AFF1: variants seen among roughly 807,000 people sequenced by gnomAD.
The protein encoded by AFF1 is AF4/FMR2 family member 1.
Under a neutral mutation model 121.7 loss-of-function variants are expected in AFF1, and 48 were observed. That is an observed-to-expected ratio of 0.39 (90% CI 0.31 to 0.50). AFF1 has a LOEUF of 0.50. Among genes scored for constraint, AFF1 ranks in the 20% least tolerant of loss-of-function variants. The pLI is 0.76. For missense variants in AFF1, 1,523 were observed against 1,511.7 expected (o/e 1.01, Z -0.12); for synonymous variants, 613 against 563.0 (o/e 1.09, Z -1.26).
At chr4:87,060,841 AAAAAAAAAAAAAAAAAAAAAAAAAAACAC>A (rs1343625854) in intron 4 of AFF1, among the ~76,000 whole-genome samples, 6 of 19,500 alleles carry the variant, frequency 3.1e-4, no homozygotes, top group African/African-American at 2.0e-3. Context: ...GTCTCAAAAA[AAAAAAAAAAAAAAAAAAAAAAAAAAACAC>A]AAAAAAACAA....
intron 2 of AFF1, among the ~76,000 whole-genome samples, chr4:86,995,685 G>C (rs945792333): frequency 2.6e-4 from 40 of 151,650 alleles, no homozygotes; most frequent in African/African-American, 8.7e-4. Context: ...CCAGCAGCCT[G>C]CCTTGGCCTC....
At chr4:86,954,958 ATTAC>A (rs1412487177) in intron 2 of AFF1, among the ~76,000 whole-genome samples, 2 of 152,106 alleles carry the variant, frequency 1.3e-5, no homozygotes, top group Middle Eastern at 3.2e-3. Flanking sequence ...ATATTAGTAT[ATTAC>A]TTATGTAATC....
At chr4:87,073,758 G>A (rs970451940) in intron 4 of AFF1, among the ~76,000 whole-genome samples, 3 of 152,096 alleles carry the variant, frequency 2.0e-5, no homozygotes, top group African/African-American at 4.8e-5. Context: ...CTTATGCTCA[G>A]CTGTGAAAAA....
At chr4:86,941,706 G>T (rs1448138214) in intron 1 of AFF1, among the ~76,000 whole-genome samples, 1 of 152,080 alleles carries the variant, frequency 6.6e-6, no homozygotes, top group Non-Finnish European at 1.5e-5. Context: ...GCATGGTGTT[G>T]CATGCCTGTG....
chr4:87,099,207 GA>G (rs2149732756), intron 8 of AFF1, among the ~76,000 whole-genome samples: 2 of 152,212 alleles, frequency 1.3e-5, no homozygotes, highest in African/African-American at 4.8e-5. Context: ...AAATATTATG[GA>G]AGTGGTAGAA....
At chr4:87,053,141 C>G (rs567713567) in intron 4 of AFF1, among the ~76,000 whole-genome samples, 4 of 152,102 alleles carry the variant, frequency 2.6e-5, no homozygotes, top group African/African-American at 7.2e-5. Context: ...ACCTTGGGAC[C>G]GAGCATGTGT....
intron 2 of AFF1, among the ~76,000 whole-genome samples, chr4:86,955,731 G>A (rs918999753): frequency 3.3e-5 from 5 of 152,236 alleles, no homozygotes; most frequent in Middle Eastern, 3.4e-3. Flanking sequence ...TGATTTTATC[G>A]TCTTCTGCCA....
In AFF1 at chr4:87,105,614, C is replaced by T. The variant is rs764732310; in HGVS notation, c.1284-14C>T. On this transcript the variant is annotated splice_polypyrimidine_tract_variant and intron_variant, in intron 8 of 20. Transcript: ENST00000395146. ...TTTCACATTCATTCTTCTCTGTGTC[C>T]CTGCCCATTCCAGCATGCTCGAAGA... is the stretch of plus-strand genomic sequence containing the variant. 2.0e-5 allele frequency: 32 copies of T among 1,613,790 alleles called. No homozygotes were observed. Among genetic ancestry groups the T allele is most frequent in the Non-Finnish European group, 2.6e-5 (31 of 1,179,968 alleles).
At chr4:86,985,971 CTT>C (rs1724226876) in intron 2 of AFF1, among the ~76,000 whole-genome samples, 1 of 151,764 alleles carries the variant, frequency 6.6e-6, no homozygotes, top group African/African-American at 2.4e-5. Flanking sequence ...TGGTGAGAAA[CTT>C]TGTAATGGGA....
At chr4:87,007,148 G>T (rs1056020413) in intron 2 of AFF1, 1 of 1,286,872 alleles carries the variant, frequency 7.8e-7, no homozygotes, top group Non-Finnish European at 9.8e-7. Flanking sequence ...GCGCTCCCCG[G>T]GCTCGTCTGA....
intron 2 of AFF1, among the ~76,000 whole-genome samples, chr4:87,013,999 A>T (rs1727063564): frequency 6.6e-6 from 1 of 152,184 alleles, no homozygotes; most frequent in Admixed American, 6.5e-5. Context: ...ATATATGCTT[A>T]TAAATACACA....
chr4:86,985,705 A>G (rs1405812162), intron 2 of AFF1, among the ~76,000 whole-genome samples: 1 of 152,034 alleles, frequency 6.6e-6, no homozygotes, highest in East Asian at 1.9e-4. Context: ...AATTAAAATG[A>G]TACTAAATAG....
In AFF1 at chr4:86,935,155, C is replaced by G. The variant is rs371773533; in HGVS notation, c.-122C>G. ...CGCTCCCCTGCGTCGTCCGCACTTG[C>G]GCCCTTTCCCACCGCAACAGGTCAG... On this transcript the variant is annotated 5_prime_UTR_variant, in exon 1 of 21. Coordinates refer to ENST00000395146, the MANE Select transcript of AFF1 (RefSeq NM_001166693.3). The G allele has an allele frequency of 1.3e-5, 2 of 152,278 alleles. No individual in the cohort carries two copies. Among genetic ancestry groups the G allele is most frequent in the Admixed American group, 6.5e-5 (1 of 15,288 alleles). The allele number at this position is 152,278 out of a possible 1,614,324, so 9.4% of individuals were successfully genotyped here. A position where few individuals can be genotyped will look rare whatever the true frequency, so the allele number is the denominator to read the frequency against.
At chr4:87,006,119 A>C (rs1726095692) in intron 2 of AFF1, among the ~76,000 whole-genome samples, 1 of 152,190 alleles carries the variant, frequency 6.6e-6, no homozygotes, top group African/African-American at 2.4e-5. Flanking sequence ...TTTCACGACG[A>C]TTTAGTAATA....
chr4:87,054,421 C>G (rs746751317), intron 4 of AFF1, among the ~76,000 whole-genome samples: 1 of 152,108 alleles, frequency 6.6e-6, no homozygotes. Flanking sequence ...CCCCAAGACT[C>G]TCCTCCTCTT....
intron 12 of AFF1, among the ~76,000 whole-genome samples, chr4:87,118,306 A>ACG (rs1460584312): frequency 1.2e-5 from 1 of 80,918 alleles, no homozygotes; most frequent in South Asian, 3.0e-4. Context: ...ATAGAAATGC[A>ACG]CACGTTTTTT....
chr4:86,951,962 T>G (rs1246886777), intron 2 of AFF1, among the ~76,000 whole-genome samples: 1 of 151,742 alleles, frequency 6.6e-6, no homozygotes, highest in Admixed American at 6.6e-5. Flanking sequence ...GACAATTGTT[T>G]CATCATTTTT....
chr4:87,048,791 G>C (rs1730976277), intron 4 of AFF1, among the ~76,000 whole-genome samples: 1 of 152,098 alleles, frequency 6.6e-6, no homozygotes, highest in Admixed American at 6.5e-5. Context: ...CTTGTTTGGG[G>C]ACCAAGGAAA....
At chr4:87,102,132 C>T (rs1218853766) in intron 8 of AFF1, among the ~76,000 whole-genome samples, 1 of 152,206 alleles carries the variant, frequency 6.6e-6, no homozygotes, top group Non-Finnish European at 1.5e-5. Flanking sequence ...AAAAGTTTAC[C>T]TAACCAAATG....
Sources: allele counts gnomAD v4.1 joint callset (sites outside exome capture counted in the v4.1 genomes callset), GRCh38; gene constraint gnomAD v4.1.1; transcripts MANE v1.5; gene names NCBI Gene and HGNC (gene_info 2026-07-23, HGNC 2026-07-21).